The following GABRG2 variants were observed in gnomAD, a reference collection of about 807,000 sequenced individuals.
GABRG2 encodes gamma-aminobutyric acid receptor subunit gamma-2.
Under a neutral mutation model 56.4 loss-of-function variants are expected in GABRG2, and 16 were observed. The ratio of observed to expected loss-of-function variants is 0.28; its 90% CI spans 0.19 to 0.43. GABRG2 has a LOEUF of 0.43. Ranked by LOEUF, GABRG2 falls within the 20% of genes least tolerant of loss-of-function variation. The pLI is 1.00. For missense variants in GABRG2, 327 were observed against 582.7 expected, an observed-to-expected ratio of 0.56 and a Z score of 4.52; for synonymous variants, 208 against 205.5, an observed-to-expected ratio of 1.01 and a Z score of -0.10.
chr5:162,093,803 T>C (rs1168160457), intron 1 of GABRG2, 25 bp from the exon 2 acceptor site: 21 of 1,610,150 alleles, frequency 1.3e-5, no homozygotes, highest in Non-Finnish European at 1.7e-5. Flanking sequence ...TCTATGTGTT[T>C]TTTGACCAAT....
At chr5:162,116,760 G>A (rs1034281610) in intron 6 of GABRG2, among the ~76,000 whole-genome samples, 4 of 151,258 alleles carry the variant, frequency 2.6e-5, no homozygotes, top group African/African-American at 9.8e-5. Context: ...AGATCTCATG[G>A]AGTCTTCTCT....
chr5:162,134,039 T>C (rs1488004790), intron 6 of GABRG2, among the ~76,000 whole-genome samples: 2 of 152,208 alleles, frequency 1.3e-5, no homozygotes, highest in East Asian at 1.9e-4. Context: ...ACCAGCTTTC[T>C]ATATTAACCA....
At chr5:162,106,111 ACTAT>A (rs999350837) in intron 6 of GABRG2, among the ~76,000 whole-genome samples, 4 of 152,188 alleles carry the variant, frequency 2.6e-5, no homozygotes, top group Non-Finnish European at 5.9e-5. Flanking sequence ...TAGGGAATTT[ACTAT>A]CTATTAGGAG....
chr5:162,068,268 G>A (rs1318378333), intron 1 of GABRG2, among the ~76,000 whole-genome samples, 162 bp downstream of exon 1: 1 of 152,058 alleles, frequency 6.6e-6, no homozygotes, highest in Non-Finnish European at 1.5e-5. Flanking sequence ...CTGGAGGGAG[G>A]AAAGTGGAAG....
In GABRG2 at chr5:162,067,890, G is replaced by C. The variant is rs1758336859; in HGVS notation, c.-110G>C. 1.3e-6 allele frequency: 1 copy of C among 765,000 alleles called. No homozygotes were observed. The highest frequency in any genetic ancestry group is 1.9e-5 in the Admixed American group (1 of 51,488). The allele number at this position is 765,000 out of a possible 1,614,324, so 47.4% of individuals were successfully genotyped here. ...TCTCCCCAGTGAAGGACCTACTAGAGGCAGGTGGGGGGAGCCACCATCAGA... is the reference window on the plus strand; with the variant it reads ...TCTCCCCAGTGAAGGACCTACTAGACGCAGGTGGGGGGAGCCACCATCAGA... On this transcript the variant is annotated 5_prime_UTR_variant, in exon 1 of 10. Coordinates refer to ENST00000639213, the MANE Select transcript of GABRG2 (RefSeq NM_198904.4).
intron 1 of GABRG2, among the ~76,000 whole-genome samples, chr5:162,073,278 A>G (rs1758821999): frequency 6.6e-6 from 1 of 151,634 alleles, no homozygotes; most frequent in African/African-American, 2.4e-5. Flanking sequence ...TTTTTTTTTT[A>G]ATATAAGAGC....
chr5:162,151,709 T>C lies in GABRG2; in HGVS notation c.1129-21T>C, dbSNP rs757290958. On this transcript the variant is annotated intron_variant, in intron 8 of 9. Coordinates refer to ENST00000639213, the MANE Select transcript of GABRG2 (RefSeq NM_198904.4). ...TTATTAAAAACAAATGCAATTCTCT[T>C]TTCTGTCTACAAACCCAAAGCTTCT... 1.9e-5 allele frequency: 31 copies of C among 1,602,484 alleles called. No individual in the cohort carries two copies. The South Asian group carries it at 3.4e-4, about 18-fold the overall frequency.
intron 6 of GABRG2, among the ~76,000 whole-genome samples, chr5:162,105,790 C>A (rs1037097054): frequency 9.2e-5 from 13 of 140,720 alleles, no homozygotes; most frequent in Non-Finnish European, 1.4e-4. Context: ...GAACTGAAGT[C>A]TTCCATTGGC....
chr5:162,130,459 A>T (rs1174628225), intron 6 of GABRG2, among the ~76,000 whole-genome samples: 1 of 151,906 alleles, frequency 6.6e-6, no homozygotes, highest in Non-Finnish European at 1.5e-5. Context: ...ACCTCTGTGG[A>T]GCCTTTTCTT....
chr5:162,098,705 G>C (rs554234261), intron 4 of GABRG2: 26 of 152,256 alleles, frequency 1.7e-4, no homozygotes, highest in African/African-American at 6.3e-4. Flanking sequence ...CTGGTAGCAG[G>C]ACTTTTAGTG....
intron 6 of GABRG2, among the ~76,000 whole-genome samples, chr5:162,130,303 T>A (rs1011134011): frequency 6.6e-6 from 1 of 151,844 alleles, no homozygotes; most frequent in Non-Finnish European, 1.5e-5. Flanking sequence ...TTCCCAGGAG[T>A]GATTTGACAT....
Position 162,145,809 on chromosome 5 carries a change from C to T in GABRG2, c.923-3299C>T, listed in dbSNP as rs533400856. On this transcript the variant is annotated intron_variant, in intron 7 of 9. Coordinates refer to ENST00000639213, the MANE Select transcript of GABRG2 (RefSeq NM_198904.4). ...TCGAGGGTCAAGTATAGCCTCAGGC[C>T]TGATTGTAAAATGAAGGCCACAGTG... Among the ~76,000 whole-genome samples the T allele has an allele frequency of 4.2e-4, 64 of 152,202 alleles. 1 individual carries two copies. In the South Asian group the frequency reaches 0.013, roughly 31 times the overall value.
At chr5:162,092,315 A>C (rs1760664229) in intron 1 of GABRG2, among the ~76,000 whole-genome samples, 1 of 152,164 alleles carries the variant, frequency 6.6e-6, no homozygotes, top group African/African-American at 2.4e-5. Flanking sequence ...TGCTCACTAA[A>C]GTGCAAGATG....
intron 6 of GABRG2, among the ~76,000 whole-genome samples, chr5:162,133,228 C>T (rs1763881452): frequency 6.6e-6 from 1 of 152,108 alleles, no homozygotes. Context: ...CCTCAAAAAG[C>T]TCTATGTACC....
At chr5:162,129,025 A>G (rs1322236704) in intron 6 of GABRG2, among the ~76,000 whole-genome samples, 1 of 151,992 alleles carries the variant, frequency 6.6e-6, no homozygotes, top group East Asian at 1.9e-4. Flanking sequence ...TCCAGTTGGC[A>G]TATCTTTTAT....
chr5:162,069,357 G>C (rs1344557998), intron 1 of GABRG2, among the ~76,000 whole-genome samples: 1 of 152,096 alleles, frequency 6.6e-6, no homozygotes. Flanking sequence ...ACAAAAACTA[G>C]CTATAGAAAA....
At chr5:162,121,793 T>C (rs1762994987) in intron 6 of GABRG2, among the ~76,000 whole-genome samples, 1 of 151,986 alleles carries the variant, frequency 6.6e-6, no homozygotes, top group African/African-American at 2.4e-5. Flanking sequence ...GAAATGAATC[T>C]TGCAAATAGG....
intron 6 of GABRG2, among the ~76,000 whole-genome samples, chr5:162,133,983 G>C (rs1763942982): frequency 6.6e-6 from 1 of 152,124 alleles, no homozygotes; most frequent in Non-Finnish European, 1.5e-5. Flanking sequence ...TAATGTTCAA[G>C]AGTAAATGAA....
intron 1 of GABRG2, among the ~76,000 whole-genome samples, chr5:162,088,106 G>A (rs1760271570): frequency 6.6e-6 from 1 of 152,072 alleles, no homozygotes; most frequent in South Asian, 2.1e-4. Flanking sequence ...GTCCTTACTG[G>A]GAGGAATAAA....
Sources: gnomAD v4.1 joint callset for allele counts (sites outside exome capture counted in the v4.1 genomes callset) on GRCh38, gnomAD v4.1.1 for gene constraint, MANE v1.5 for transcripts, NCBI Gene and HGNC (gene_info 2026-07-23, HGNC 2026-07-21) for gene names.